ATL3: variants seen among roughly 807,000 people sequenced by gnomAD.
ATL3 encodes atlastin-3.
Under a neutral mutation model 69.5 loss-of-function variants are expected in ATL3, and 49 were observed. The ratio of observed to expected loss-of-function variants is 0.71; its 90% confidence interval spans 0.56 to 0.89. The LOEUF (loss-of-function observed/expected upper bound fraction) is 0.89, where lower values mean the gene tolerates loss of function less well. ATL3 is among the 40% of genes least tolerant of loss of function. The pLI is 0.00. For missense variants in ATL3, 606 were observed against 645.7 expected, an observed-to-expected ratio of 0.94 and a Z score of 0.67; for synonymous variants, 214 against 224.1, an observed-to-expected ratio of 0.95 and a Z score of 0.40.
At chr11:63,630,667 A>T (rs1457057115) in intron 12 of ATL3, among the ~76,000 whole-genome samples, 1 of 151,458 alleles carries the variant, frequency 6.6e-6, no homozygotes, top group Non-Finnish European at 1.5e-5. Flanking sequence ...GTGGTGGCAC[A>T]CACCTGTAGT....
chr11:63,652,581 A>G lies in ATL3; in HGVS notation c.406-6T>C, dbSNP rs778847198. On this transcript the variant is annotated splice_polypyrimidine_tract_variant and splice_region_variant and intron_variant, in intron 3 of 12. Transcript: ENST00000398868. ...TCCATCAGAACAACTGCAACCTAAA[A>G]AAAAGGAAAATACAAACAAAAGAGA... 2.0e-5 allele frequency: 32 copies of G among 1,594,674 alleles called. No individual in the cohort carries two copies. The highest frequency in any genetic ancestry group is 2.6e-5 in the Non-Finnish European group (30 of 1,168,930).
chr11:63,671,640 T>C (rs1216809368), upstream of ATL3: 1 of 1,408,526 alleles, frequency 7.1e-7, no homozygotes, highest in Admixed American at 2.3e-5. Flanking sequence ...GGGTACCTGT[T>C]GGCGGGGCGC....
At chr11:63,641,447 G>A (rs1031865777) in intron 8 of ATL3, among the ~76,000 whole-genome samples, 3 of 152,150 alleles carry the variant, frequency 2.0e-5, no homozygotes, top group African/African-American at 7.2e-5. Flanking sequence ...GGTCATACTG[G>A]ATTAAGGTGG....
Position 63,635,596 on chromosome 11 carries a change from A to C in ATL3, c.979-6T>G. On this transcript the variant is annotated splice_region_variant and splice_polypyrimidine_tract_variant and intron_variant, in intron 9 of 12. Coordinates refer to ENST00000398868, the MANE Select transcript of ATL3 (RefSeq NM_015459.5). Reference sequence around the variant, plus strand: ...TGATAAATTTTAATATATGCCTTAAAATATAAACATAAAAACTGCTATAAA... The same window carrying C: ...TGATAAATTTTAATATATGCCTTAACATATAAACATAAAAACTGCTATAAA... The C allele has an allele frequency of 6.3e-7, 1 of 1,591,346 alleles. No homozygotes were observed. Among genetic ancestry groups the C allele is most frequent in the Non-Finnish European group, 8.6e-7 (1 of 1,160,208 alleles).
intron 6 of ATL3, 120 bp from the exon 7 acceptor site, chr11:63,644,381 CCTT>C (rs1281407448): frequency 1.9e-5 from 9 of 478,206 alleles, no homozygotes; most frequent in Non-Finnish European, 2.9e-5. Flanking sequence ...GAAGGATTTA[CCTT>C]TTTTTTTTTT....
chr11:63,625,625 A>C lies in ATL3; in HGVS notation c.*3694T>G, dbSNP rs1470338362. ...TGTGTGTGATCCACTAATGAAACCA[A>C]CCACCAGTACAAGGCAGTATTTTTG... On this transcript the variant is annotated 3_prime_UTR_variant, in exon 13 of 13. Coordinates refer to ENST00000398868, the MANE Select transcript of ATL3 (RefSeq NM_015459.5). The C allele has an allele frequency of 6.6e-6, 1 of 152,176 alleles. No homozygotes were observed. Among genetic ancestry groups the C allele is most frequent in the Non-Finnish European group, 1.5e-5 (1 of 68,040 alleles). 9.4% of individuals were successfully genotyped at this position (152,176 alleles called of 1,614,324 possible). A position where few individuals can be genotyped will look rare whatever the true frequency, so the allele number is the denominator to read the frequency against.
chr11:63,652,209 T>G (rs1210486714), intron 4 of ATL3, among the ~76,000 whole-genome samples: 6 of 152,222 alleles, frequency 3.9e-5, no homozygotes, highest in Non-Finnish European at 7.3e-5. Context: ...TAAGCTCTTA[T>G]CAAATCTGTA....
chr11:63,652,825 A>C (rs566540141), intron 3 of ATL3, among the ~76,000 whole-genome samples: 1 of 152,212 alleles, frequency 6.6e-6, no homozygotes, highest in Non-Finnish European at 1.5e-5. Context: ...TGAAACAGAC[A>C]AAAGTTGAAA....
chr11:63,650,252 G>A (rs518490), intron 5 of ATL3, among the ~76,000 whole-genome samples: 20,973 of 151,954 alleles, frequency 0.14, 1,563 homozygotes, highest in Middle Eastern at 0.18. Flanking sequence ...ATCCCCATAT[G>A]GAAGAAACAA....
rs1939106813 is a variant in ATL3 at position 63,626,205 on chromosome 11, C to G, written c.*3114G>C. The G allele has an allele frequency of 6.6e-6, 1 of 152,148 alleles. No individual in the cohort carries two copies. Among genetic ancestry groups the G allele is most frequent in the Non-Finnish European group, 1.5e-5 (1 of 68,126 alleles). 9.4% of individuals were successfully genotyped at this position (152,148 alleles called of 1,614,324 possible). A position where few individuals can be genotyped will look rare whatever the true frequency, so the allele number is the denominator to read the frequency against. ...GACCAGCCTGGCCAACATGGCAAAA[C>G]CCCACCTCTAGTAAAAAAACAAAAA... On this transcript the variant is annotated 3_prime_UTR_variant, in exon 13 of 13. Coordinates refer to ENST00000398868, the MANE Select transcript of ATL3 (RefSeq NM_015459.5).
chr11:63,633,687 T>C (rs1389718739), intron 10 of ATL3, among the ~76,000 whole-genome samples: 5 of 145,834 alleles, frequency 3.4e-5, no homozygotes, highest in African/African-American at 1.0e-4. Context: ...CCTGGCTCCA[T>C]TGCTCCAACT....
intron 1 of ATL3, among the ~76,000 whole-genome samples, chr11:63,660,968 C>T (rs111659802): frequency 1.3e-5 from 2 of 151,824 alleles, no homozygotes; most frequent in Admixed American, 6.6e-5. Flanking sequence ...AATCTCAGCA[C>T]TTTGGGAGGC....
intron 1 of ATL3, among the ~76,000 whole-genome samples, chr11:63,669,001 AT>A (rs199781103): frequency 3.9e-5 from 4 of 103,170 alleles, no homozygotes; most frequent in East Asian, 2.4e-4. Flanking sequence ...CTTTTTTTTA[AT>A]TTTTTTTTGG....
At chr11:63,648,876 A>C (rs1158402139) in intron 5 of ATL3, among the ~76,000 whole-genome samples, 2 of 151,912 alleles carry the variant, frequency 1.3e-5, no homozygotes, top group East Asian at 3.9e-4. Context: ...CTGGCACTTT[A>C]GGAGGCTGAG....
intron 1 of ATL3, among the ~76,000 whole-genome samples, chr11:63,661,702 C>CA (rs1243395422): frequency 6.6e-6 from 1 of 152,054 alleles, no homozygotes; most frequent in African/African-American, 2.4e-5. Flanking sequence ...CCAGCCTGAC[C>CA]AACATGGAGA....
rs546103854 is a variant in ATL3 at position 63,641,697 on chromosome 11, C to T, written c.850+1660G>A. Among the ~76,000 whole-genome samples the T allele has an allele frequency of 3.7e-4, 57 of 152,218 alleles. 1 individual carries two copies. In the South Asian group the frequency reaches 0.012, roughly 32 times the overall value. On this transcript the variant is annotated intron_variant, in intron 8 of 12. Coordinates refer to ENST00000398868, the MANE Select transcript of ATL3 (RefSeq NM_015459.5). Reference sequence around the variant, plus strand: ...CCTGACTTGCGGGGGAATAAATTTCCGTTGTCTTAAGCCACCTAGTTTGTG... The same window carrying T: ...CCTGACTTGCGGGGGAATAAATTTCTGTTGTCTTAAGCCACCTAGTTTGTG...
chr11:63,644,967 G>C (rs1318808488), intron 6 of ATL3, among the ~76,000 whole-genome samples: 1 of 152,134 alleles, frequency 6.6e-6, no homozygotes, highest in Non-Finnish European at 1.5e-5. Flanking sequence ...CTGTATCCCA[G>C]CTACTTGGGA....
chr11:63,630,426 CAA>C (rs758000337), intron 12 of ATL3, among the ~76,000 whole-genome samples: 10 of 31,272 alleles, frequency 3.2e-4, no homozygotes, highest in Admixed American at 4.4e-4. Context: ...AAATCTGTCT[CAA>C]AAAAAAAAAA....
chr11:63,652,187 A>G (rs1478651467), intron 4 of ATL3, among the ~76,000 whole-genome samples: 1 of 152,188 alleles, frequency 6.6e-6, no homozygotes, highest in African/African-American at 2.4e-5. Flanking sequence ...TTACAGTTTA[A>G]AACAGTTTTC....
Sources: allele counts gnomAD v4.1 joint callset (sites outside exome capture counted in the v4.1 genomes callset), GRCh38; gene constraint gnomAD v4.1.1; transcripts MANE v1.5; gene names NCBI Gene and HGNC (gene_info 2026-07-23, HGNC 2026-07-21).